The following GRID2 variants were observed in gnomAD, a reference collection of about 807,000 sequenced individuals.
GRID2 encodes glutamate ionotropic receptor delta type subunit 2.
GRID2 carries 33 observed loss-of-function variants against 114.8 expected under a neutral mutation model. The observed-to-expected ratio is 0.29, with a 90% CI of 0.22 to 0.38. GRID2 has a LOEUF of 0.38. Among genes scored for constraint, GRID2 ranks in the 10% least tolerant of loss-of-function variants. The probability of loss-of-function intolerance (pLI) is 1.00; values close to 1 mark genes in which losing one functional copy is unlikely to be tolerated. For missense variants in GRID2, 1,184 were observed against 1,257.7 expected (o/e 0.94, Z 0.89); for synonymous variants, 505 against 449.9 (o/e 1.12, Z -1.55).
Position 92,646,888 on chromosome 4 carries a change from CTTTTTTTTTTTT to C in GRID2, c.244+56612_244+56623del, listed in dbSNP as rs33921659. ...CTTATACAATCACAGTCTTTGAATT[CTTTTTTTTTTTT>C]TTTTTTTTTACTTTTTCCTCAAGCC... On this transcript the variant is annotated intron_variant, in intron 2 of 15. Coordinates refer to ENST00000282020, the MANE Select transcript of GRID2 (RefSeq NM_001510.4). Among the ~76,000 whole-genome samples, 134 of 56,162 alleles carry C rather than the reference CTTTTTTTTTTTT, an allele frequency of 2.4e-3. 1 individual carries two copies. The highest frequency in any genetic ancestry group is 7.2e-3 in the African/African-American group (125 of 17,448). 36.8% of individuals were successfully genotyped at this position (56,162 alleles called of 152,430 possible). A position where few individuals can be genotyped will look rare whatever the true frequency, so the allele number is the denominator to read the frequency against.
chr4:93,042,274 TTTC>T (rs1560821282), intron 2 of GRID2, among the ~76,000 whole-genome samples: 22 of 72,966 alleles, frequency 3.0e-4, no homozygotes, highest in Admixed American at 2.1e-3. Flanking sequence ...TCTCTCTCTC[TTTC>T]TCTCTCTCTC....
At chr4:92,909,684 T>G (rs1748224352) in intron 2 of GRID2, among the ~76,000 whole-genome samples, 1 of 152,118 alleles carries the variant, frequency 6.6e-6, no homozygotes, top group Non-Finnish European at 1.5e-5. Context: ...AATTCAGAGC[T>G]CCTTGGGATG....
chr4:92,561,491 G>C (rs1201223531), intron 1 of GRID2, among the ~76,000 whole-genome samples: 1 of 152,040 alleles, frequency 6.6e-6, no homozygotes, highest in Non-Finnish European at 1.5e-5. Flanking sequence ...CTTTTATATT[G>C]TTTCTCCACA....
intron 2 of GRID2, among the ~76,000 whole-genome samples, chr4:92,886,834 C>G (rs1746404447): frequency 6.6e-6 from 1 of 152,064 alleles, no homozygotes; most frequent in Non-Finnish European, 1.5e-5. Flanking sequence ...ACCGTGTTAG[C>G]CAGGATGGCC....
intron 13 of GRID2, among the ~76,000 whole-genome samples, chr4:93,613,234 C>G (rs1216297755): frequency 1.4e-5 from 2 of 143,126 alleles, no homozygotes; most frequent in Non-Finnish European, 3.1e-5. Context: ...TCAAAGTTTT[C>G]AACTTCTTTG....
chr4:92,382,523 A>G (rs1411554058), intron 1 of GRID2, among the ~76,000 whole-genome samples: 1 of 152,066 alleles, frequency 6.6e-6, no homozygotes. Flanking sequence ...TGTATGGTGT[A>G]AAATCAGTAA....
intron 2 of GRID2, among the ~76,000 whole-genome samples, chr4:92,967,956 G>T (rs1198771407): frequency 6.6e-6 from 1 of 151,754 alleles, no homozygotes; most frequent in Non-Finnish European, 1.5e-5. Flanking sequence ...TAGGTTATTT[G>T]CTTACCTCTT....
intron 2 of GRID2, among the ~76,000 whole-genome samples, chr4:92,619,868 A>G (rs550275196): frequency 6.6e-6 from 1 of 151,364 alleles, no homozygotes; most frequent in Non-Finnish European, 1.5e-5. Context: ...TGAGCTCCTT[A>G]TTTGGCCATT....
intron 1 of GRID2, among the ~76,000 whole-genome samples, chr4:92,386,867 C>A (rs543216142): frequency 6.6e-6 from 1 of 151,800 alleles, no homozygotes; most frequent in Non-Finnish European, 1.5e-5. Context: ...ACTTGAGATA[C>A]ATAGCCTCAT....
intron 2 of GRID2, chr4:92,702,649 T>C (rs1324641648): frequency 6.6e-6 from 1 of 151,880 alleles, no homozygotes; most frequent in South Asian, 2.1e-4. Flanking sequence ...GCCTCCTATT[T>C]ATTCATAGTA....
rs202009548 is a variant in GRID2, at chr4:92,498,683, G to C, written c.89-91448G>C. On this transcript the variant is annotated intron_variant, in intron 1 of 15. Coordinates refer to ENST00000282020, the MANE Select transcript of GRID2 (RefSeq NM_001510.4). ...GCTGCTTGAATTGTGAGTCTATCAG[G>C]TGCAAACTTAAAACATCTGTGAGAC... Among the ~76,000 whole-genome samples the C allele has an allele frequency of 2.6e-5, 4 of 151,902 alleles. No homozygotes were observed. In the East Asian group the frequency reaches 5.8e-4, roughly 22 times the overall value.
intron 1 of GRID2, among the ~76,000 whole-genome samples, chr4:92,308,761 CAT>C (rs1014582204): frequency 1.3e-5 from 2 of 151,518 alleles, no homozygotes; most frequent in African/African-American, 4.8e-5. Context: ...CAGTTGACTA[CAT>C]GATTTGCATT....
intron 2 of GRID2, among the ~76,000 whole-genome samples, chr4:92,855,392 AT>A (rs1240185355): frequency 1.3e-5 from 2 of 151,828 alleles, no homozygotes; most frequent in Non-Finnish European, 2.9e-5. Context: ...TTATTACTAT[AT>A]TTATTATTTA....
At chr4:93,422,436 C>A (rs1052429135) in intron 9 of GRID2, among the ~76,000 whole-genome samples, 1 of 151,944 alleles carries the variant, frequency 6.6e-6, no homozygotes, top group South Asian at 2.1e-4. Context: ...AGAATAGATA[C>A]GATAAATTTA....
chr4:93,015,633 G>A (rs915497735), intron 2 of GRID2, among the ~76,000 whole-genome samples: 1 of 152,036 alleles, frequency 6.6e-6, no homozygotes, highest in Admixed American at 6.6e-5. Flanking sequence ...GCAACATCAG[G>A]TGGTGCTATT....
intron 2 of GRID2, among the ~76,000 whole-genome samples, chr4:92,976,485 C>T (rs1162086669): frequency 6.6e-6 from 1 of 151,952 alleles, no homozygotes; most frequent in Non-Finnish European, 1.5e-5. Flanking sequence ...TGAATATAGT[C>T]AACTCTTGAT....
chr4:93,190,054 A>AT (rs749454618), intron 4 of GRID2, among the ~76,000 whole-genome samples: 2 of 152,054 alleles, frequency 1.3e-5, no homozygotes, highest in Non-Finnish European at 2.9e-5. Context: ...CTTTGCATTT[A>AT]TTTTTTATAT....
chr4:92,935,182 A>C (rs1750564382), intron 2 of GRID2, among the ~76,000 whole-genome samples: 1 of 146,142 alleles, frequency 6.8e-6, no homozygotes, highest in Admixed American at 7.4e-5. Flanking sequence ...GAACTCAAAC[A>C]AATTTACAAG....
rs756903806 is a variant in GRID2, at chr4:93,343,165, TG to T, written c.1246-52441del. On this transcript the variant is annotated intron_variant, in intron 8 of 15. Coordinates refer to ENST00000282020, the MANE Select transcript of GRID2 (RefSeq NM_001510.4). ...GACTGTGTGTGTGTGTGTGTGTGTG[TG>T]TGTGTGTGTGTGTGTATTGGGTCAT... is the stretch of plus-strand genomic sequence containing the variant. 2.0e-3 allele frequency among the ~76,000 whole-genome samples: 308 copies of T among 150,692 alleles called. 3 individuals are homozygous for T. In the South Asian group the frequency reaches 0.03, roughly 15 times the overall value.
Sources: allele counts gnomAD v4.1 joint callset (sites outside exome capture counted in the v4.1 genomes callset), GRCh38; gene constraint gnomAD v4.1.1; transcripts MANE v1.5; gene names NCBI Gene and HGNC (gene_info 2026-07-23, HGNC 2026-07-21).